The following GALNT13 variants were observed in gnomAD, a reference collection of about 807,000 sequenced individuals.
The protein encoded by GALNT13 is polypeptide N-acetylgalactosaminyltransferase 13, also known as UDP-GalNAc:polypeptide N-acetylgalactosaminyltransferase 13.
GALNT13 carries 28 observed loss-of-function variants against 64.2 expected under a neutral mutation model. The observed-to-expected ratio is 0.44, with a 90% CI of 0.32 to 0.60. The LOEUF (loss-of-function observed/expected upper bound fraction) is 0.60. Ranked by LOEUF, GALNT13 falls within the 20% of genes least tolerant of loss-of-function variation. The pLI, the probability that GALNT13 is intolerant of heterozygous loss-of-function variation, is 0.05. For synonymous variants in GALNT13, 214 were observed against 224.6 expected (o/e 0.95, Z 0.42); for missense variants, 577 against 669.8 (o/e 0.86, Z 1.53).
the GALNT13 span, among the ~76,000 whole-genome samples, chr2:153,642,997 A>C: frequency 6.6e-6 from 1 of 151,614 alleles, no homozygotes; most frequent in Non-Finnish European, 1.5e-5. Flanking sequence ...AATCATTATA[A>C]TTGACTAGTT....
chr2:154,103,197 A>AT (rs1702438527), intron 3 of GALNT13, among the ~76,000 whole-genome samples: 3 of 151,712 alleles, frequency 2.0e-5, no homozygotes, highest in South Asian at 2.1e-4. Flanking sequence ...CATTAAAAAT[A>AT]TTTTTTCTCT....
intron 9 of GALNT13, among the ~76,000 whole-genome samples, chr2:154,355,669 T>C (rs1696698653): frequency 6.6e-6 from 1 of 152,084 alleles, no homozygotes; most frequent in Admixed American, 6.6e-5. Flanking sequence ...TATTTATAAA[T>C]GTAGCAAGTA....
intron 3 of GALNT13, among the ~76,000 whole-genome samples, chr2:154,037,103 T>C (rs986699147): frequency 2.6e-5 from 4 of 152,144 alleles, no homozygotes; most frequent in Admixed American, 1.3e-4. Flanking sequence ...GGTGATTTTA[T>C]GTGACATATG....
At chr2:154,296,641 T>TGA (rs1310632838) in intron 8 of GALNT13, among the ~76,000 whole-genome samples, 1 of 152,066 alleles carries the variant, frequency 6.6e-6, no homozygotes, top group African/African-American at 2.4e-5. Context: ...AAATCATGTC[T>TGA]GAGAGAGAGA....
chr2:153,937,240 A>G (rs1691002331), intron 2 of GALNT13, among the ~76,000 whole-genome samples: 1 of 152,258 alleles, frequency 6.6e-6, no homozygotes, highest in East Asian at 1.9e-4. Context: ...ACAAATGTGC[A>G]TCAAGTGATG....
the GALNT13 span, among the ~76,000 whole-genome samples, chr2:153,166,760 C>T: frequency 3.9e-5 from 6 of 151,980 alleles, no homozygotes; most frequent in Non-Finnish European, 7.4e-5. Context: ...GGCACTGTGG[C>T]CTTGGCACAT....
intron 4 of GALNT13, among the ~76,000 whole-genome samples, chr2:154,156,462 G>A (rs1684429011): frequency 1.3e-5 from 2 of 152,034 alleles, no homozygotes; most frequent in Non-Finnish European, 2.9e-5. Flanking sequence ...AGTAAATGTA[G>A]CTAAATATCA....
intron 3 of GALNT13, among the ~76,000 whole-genome samples, chr2:154,048,791 A>G (rs941650696): frequency 7.9e-5 from 12 of 152,160 alleles, no homozygotes; most frequent in Non-Finnish European, 7.3e-5. Context: ...TCATGGTGCT[A>G]TAGAGATTTG....
Position 154,450,829 on chromosome 2 carries a change from T to G in GALNT13, c.*278T>G, listed in dbSNP as rs1487785288. The G allele has an allele frequency of 2.8e-5, 8 of 284,262 alleles. No homozygotes were observed. The Admixed American group carries it at 3.8e-4, about 13-fold the overall frequency. 17.6% of individuals were successfully genotyped at this position (284,262 alleles called of 1,614,324 possible). ...GTGTTTGCTTTAAGAAAAATGTTTATTGCACTCATGTCATAGGGTTAATTG... is the reference window on the plus strand; with the variant it reads ...GTGTTTGCTTTAAGAAAAATGTTTAGTGCACTCATGTCATAGGGTTAATTG... On this transcript the variant is annotated 3_prime_UTR_variant, in exon 13 of 13. Transcript: ENST00000392825.
the GALNT13 span, among the ~76,000 whole-genome samples, chr2:153,650,617 C>T: frequency 2.6e-5 from 4 of 152,070 alleles, no homozygotes; most frequent in Admixed American, 2.6e-4. Flanking sequence ...TGTTCCTTTC[C>T]ATGTTTAGTG....
the GALNT13 span, among the ~76,000 whole-genome samples, chr2:153,206,039 G>A: frequency 6.6e-6 from 1 of 151,840 alleles, no homozygotes; most frequent in Non-Finnish European, 1.5e-5. Flanking sequence ...CCTGCTGGGA[G>A]TGCCATTGAC....
chr2:154,244,100 G>GTT (rs113977244), intron 6 of GALNT13, among the ~76,000 whole-genome samples: 2 of 149,240 alleles, frequency 1.3e-5, no homozygotes, highest in African/African-American at 4.9e-5. Context: ...ACATTATGTT[G>GTT]TTTTTTTTTT....
chr2:153,636,089 T>G, the GALNT13 span, among the ~76,000 whole-genome samples: 1 of 152,074 alleles, frequency 6.6e-6, no homozygotes, highest in East Asian at 1.9e-4. Flanking sequence ...GGGAAAGAAA[T>G]CAGACACAAA....
chr2:153,257,086 G>A, the GALNT13 span, among the ~76,000 whole-genome samples: 1 of 152,208 alleles, frequency 6.6e-6, no homozygotes, highest in African/African-American at 2.4e-5. Flanking sequence ...TCAGACTGCT[G>A]TGCTAGCAAT....
chr2:154,036,480 G>A (rs572017581), intron 3 of GALNT13, among the ~76,000 whole-genome samples: 1 of 152,108 alleles, frequency 6.6e-6, no homozygotes, highest in Admixed American at 6.5e-5. Flanking sequence ...CTGTAAATCA[G>A]CCTTAAATTA....
At chr2:153,327,101 AT>A in the GALNT13 span, among the ~76,000 whole-genome samples, 5 of 151,144 alleles carry the variant, frequency 3.3e-5, no homozygotes, top group Admixed American at 2.0e-4. Flanking sequence ...AAAAAAAAAA[AT>A]AAATAAATAA....
chr2:153,765,994 CACTTT>C, the GALNT13 span, among the ~76,000 whole-genome samples: 16 of 152,144 alleles, frequency 1.1e-4, no homozygotes, highest in African/African-American at 3.9e-4. Flanking sequence ...TCAATTAAAC[CACTTT>C]ACTTTATAAA....
chr2:153,571,986 CCTT>C, the GALNT13 span, among the ~76,000 whole-genome samples: 99 of 151,650 alleles, frequency 6.5e-4, no homozygotes, highest in African/African-American at 2.1e-3. Context: ...AATATTCTGT[CCTT>C]CTCTATTTTT....
the GALNT13 span, among the ~76,000 whole-genome samples, chr2:153,395,722 G>T: frequency 2.0e-5 from 3 of 151,980 alleles, no homozygotes; most frequent in Non-Finnish European, 4.4e-5. Flanking sequence ...CCTCTGTTTC[G>T]CATTTCAGAA....
Sources: allele counts gnomAD v4.1 joint callset (sites outside exome capture counted in the v4.1 genomes callset), GRCh38; gene constraint gnomAD v4.1.1; transcripts MANE v1.5; gene names NCBI Gene and HGNC (gene_info 2026-07-23, HGNC 2026-07-21).